The following GRM1 variants were observed in gnomAD, a reference collection of about 807,000 sequenced individuals.
GRM1 encodes glutamate metabotropic receptor 1, also known as metabotropic glutamate receptor 1.
A neutral mutation model predicts 90.9 loss-of-function variants in GRM1; 33 were observed. The observed-to-expected ratio is 0.36, with a 90% CI of 0.28 to 0.49. The LOEUF (loss-of-function observed/expected upper bound fraction) is 0.49, where lower values mean the gene tolerates loss of function less well. Ranked by LOEUF, GRM1 falls within the 20% of genes least tolerant of loss-of-function variation. GRM1 has a pLI of 0.99. For missense variants in GRM1, 1,190 were observed against 1,534.3 expected, an observed-to-expected ratio of 0.78 and a Z score of 3.75; for synonymous variants, 700 against 613.2, an observed-to-expected ratio of 1.14 and a Z score of -2.09.
chr6:146,226,570 A>G (rs1052860740), intron 2 of GRM1, among the ~76,000 whole-genome samples: 18 of 152,268 alleles, frequency 1.2e-4, no homozygotes, highest in African/African-American at 4.3e-4. Flanking sequence ...ATGTATCACT[A>G]GCAAGCTCAC....
intron 3 of GRM1, among the ~76,000 whole-genome samples, chr6:146,344,890 C>T (rs1236656836): frequency 6.6e-6 from 1 of 152,126 alleles, no homozygotes; most frequent in African/African-American, 2.4e-5. Context: ...CGGCTCACCA[C>T]AGCCTCCACG....
At chr6:146,160,243 TATC>T (rs1284235229) in intron 2 of GRM1, among the ~76,000 whole-genome samples, 1 of 152,236 alleles carries the variant, frequency 6.6e-6, no homozygotes, top group Non-Finnish European at 1.5e-5. Context: ...TTTTATAATA[TATC>T]ATCTTGTCAC....
intron 2 of GRM1, among the ~76,000 whole-genome samples, chr6:146,225,339 A>C (rs1183270444): frequency 6.6e-6 from 1 of 152,138 alleles, no homozygotes; most frequent in Non-Finnish European, 1.5e-5. Flanking sequence ...TAGGAGAAAG[A>C]CCAGGAAGAT....
At chr6:146,172,341 C>T (rs1260429530) in intron 2 of GRM1, among the ~76,000 whole-genome samples, 1 of 152,196 alleles carries the variant, frequency 6.6e-6, no homozygotes, top group African/African-American at 2.4e-5. Context: ...ATTGTATTTA[C>T]ATTGGGCACA....
At chr6:146,142,211 C>T (rs951261481) in intron 1 of GRM1, among the ~76,000 whole-genome samples, 8 of 152,274 alleles carry the variant, frequency 5.3e-5, no homozygotes, top group African/African-American at 9.6e-5. Context: ...CTCTGATTAC[C>T]GGTAAGAAAC....
At chr6:146,088,325 A>T (rs1776612400) in intron 1 of GRM1, among the ~76,000 whole-genome samples, 1 of 152,046 alleles carries the variant, frequency 6.6e-6, no homozygotes, top group Admixed American at 6.6e-5. Flanking sequence ...AGAGTTTGTT[A>T]TATATTCTAA....
At chr6:146,316,873 T>C (rs1783992841) in intron 3 of GRM1, among the ~76,000 whole-genome samples, 1 of 152,168 alleles carries the variant, frequency 6.6e-6, no homozygotes, top group Admixed American at 6.5e-5. Flanking sequence ...ATTTCAGATA[T>C]TTGATGCTCA....
At chr6:146,207,735 G>C (rs551081171) in intron 2 of GRM1, among the ~76,000 whole-genome samples, 2 of 152,234 alleles carry the variant, frequency 1.3e-5, no homozygotes, top group African/African-American at 4.8e-5. Context: ...ATGAGAGGGG[G>C]AAGAAGATAT....
chr6:146,395,179 T>A (rs1035089268), intron 6 of GRM1, among the ~76,000 whole-genome samples: 2 of 152,102 alleles, frequency 1.3e-5, no homozygotes, highest in Admixed American at 6.5e-5. Flanking sequence ...ATTTGGGTTA[T>A]TTACTTTTTA....
intron 5 of GRM1, among the ~76,000 whole-genome samples, chr6:146,373,861 T>G (rs1337666877): frequency 6.6e-6 from 1 of 152,140 alleles, no homozygotes; most frequent in African/African-American, 2.4e-5. Context: ...TATATCTTTC[T>G]CTTGCCAGAC....
intron 2 of GRM1, among the ~76,000 whole-genome samples, chr6:146,278,710 G>A (rs1163704713): frequency 1.3e-5 from 2 of 152,100 alleles, no homozygotes; most frequent in African/African-American, 4.8e-5. Context: ...CTTGAACCTG[G>A]GAGGCTGAGG....
chr6:146,076,195 G>A (rs904609618), intron 1 of GRM1, among the ~76,000 whole-genome samples: 3 of 152,134 alleles, frequency 2.0e-5, no homozygotes, highest in East Asian at 1.9e-4. Flanking sequence ...GTGATGAGTC[G>A]AATAGACGGC....
At chr6:146,311,335 T>C (rs1583307519) in intron 3 of GRM1, among the ~76,000 whole-genome samples, 1 of 152,382 alleles carries the variant, frequency 6.6e-6, no homozygotes, top group South Asian at 2.1e-4. Context: ...CATACAGTGC[T>C]GTTATAAGTT....
chr6:146,151,250 T>A (rs550252272), intron 1 of GRM1, among the ~76,000 whole-genome samples: 1 of 152,324 alleles, frequency 6.6e-6, no homozygotes, highest in African/African-American at 2.4e-5. Flanking sequence ...AAACCATTTA[T>A]TTTTTAGTGA....
At chr6:146,397,328 G>T (rs1776982854) in intron 6 of GRM1, among the ~76,000 whole-genome samples, 1 of 151,664 alleles carries the variant, frequency 6.6e-6, no homozygotes, top group East Asian at 1.9e-4. Context: ...CAAAAAATTA[G>T]CCGGGCATGG....
At position 146,190,031 on chromosome 6, in the gene GRM1, G is replaced by C. The variant is rs1778885132; in HGVS notation, c.950+30434G>C. Among the ~76,000 whole-genome samples, 2 of 152,180 alleles carry C rather than the reference G, an allele frequency of 1.3e-5. 1 individual carries two copies. Among genetic ancestry groups the C allele is most frequent in the South Asian group, 4.1e-4 (2 of 4,830 alleles). On this transcript the variant is annotated intron_variant, in intron 2 of 7. Coordinates refer to ENST00000282753, the MANE Select transcript of GRM1 (RefSeq NM_001278064.2). ...TTAAGTTCGGGTATAGGGCCTTGGAGTTGTTGAGTGGAGTTCAGTATCCAC... is the reference window on the plus strand; with the variant it reads ...TTAAGTTCGGGTATAGGGCCTTGGACTTGTTGAGTGGAGTTCAGTATCCAC...
chr6:146,346,648 A>C (rs1252045939), intron 3 of GRM1, among the ~76,000 whole-genome samples: 1 of 152,182 alleles, frequency 6.6e-6, no homozygotes, highest in Non-Finnish European at 1.5e-5. Context: ...AATTGAGGGC[A>C]CTTTATCCCT....
At chr6:146,369,943 G>A (rs1025960368) in intron 5 of GRM1, among the ~76,000 whole-genome samples, 2 of 151,960 alleles carry the variant, frequency 1.3e-5, no homozygotes, top group Non-Finnish European at 1.5e-5. Flanking sequence ...AACTATTACC[G>A]TATAGCAGTC....
chr6:146,392,998 G>A (rs1776788753), intron 6 of GRM1, among the ~76,000 whole-genome samples: 1 of 152,126 alleles, frequency 6.6e-6, no homozygotes, highest in South Asian at 2.1e-4. Context: ...ATACATACCT[G>A]TGCATGTGTC....
Sources: allele counts gnomAD v4.1 joint callset (sites outside exome capture counted in the v4.1 genomes callset), GRCh38; gene constraint gnomAD v4.1.1; transcripts MANE v1.5; gene names NCBI Gene and HGNC (gene_info 2026-07-23, HGNC 2026-07-21).